The following SCNN1B variants were observed in gnomAD, a reference collection of about 807,000 sequenced individuals.
SCNN1B encodes the protein epithelial sodium channel subunit beta.
A neutral mutation model predicts 65.3 loss-of-function variants in SCNN1B; 46 were observed. The ratio of observed to expected loss-of-function variants is 0.70; its 90% confidence interval spans 0.56 to 0.90. The LOEUF is 0.90. SCNN1B is among the 40% of genes least tolerant of loss of function. SCNN1B has a pLI of 0.00. For synonymous variants in SCNN1B, 349 were observed against 330.6 expected, an observed-to-expected ratio of 1.06 and a Z score of -0.60; for missense variants, 751 against 830.5, an observed-to-expected ratio of 0.90 and a Z score of 1.18.
intron 4 of SCNN1B, among the ~76,000 whole-genome samples, chr16:23,362,329 CAAAA>C (rs113611025): frequency 8.2e-6 from 1 of 121,570 alleles, no homozygotes; most frequent in Non-Finnish European, 1.8e-5. Context: ...TGAGCAATCT[CAAAA>C]AAAAAAAAAA....
At chr16:23,304,045 G>A in intron 1 of SCNN1B, 1 of 1,535,058 alleles carries the variant, frequency 6.5e-7, no homozygotes. Flanking sequence ...ACTGCTGCAT[G>A]GATTCCCGCC....
At chr16:23,310,996 G>A (rs1238664217) in intron 1 of SCNN1B, among the ~76,000 whole-genome samples, 1 of 152,202 alleles carries the variant, frequency 6.6e-6, no homozygotes, top group East Asian at 1.9e-4. Flanking sequence ...GGGAGTCCAG[G>A]GAGTGAATGG....
At chr16:23,331,787 G>T (rs370378460) in intron 1 of SCNN1B, among the ~76,000 whole-genome samples, 18 of 152,112 alleles carry the variant, frequency 1.2e-4, no homozygotes, top group Admixed American at 2.0e-4. Flanking sequence ...TAGCACAGGA[G>T]GGGGAGCATC....
At chr16:23,351,901 T>A (rs1363596671) in intron 2 of SCNN1B, among the ~76,000 whole-genome samples, 3 of 152,090 alleles carry the variant, frequency 2.0e-5, no homozygotes, top group Non-Finnish European at 2.9e-5. Context: ...AGAACCCCCA[T>A]AAACATACCC....
intron 1 of SCNN1B, among the ~76,000 whole-genome samples, chr16:23,339,580 T>TTATTAC (rs1169036560): frequency 6.6e-6 from 1 of 151,572 alleles, no homozygotes; most frequent in African/African-American, 2.4e-5. Context: ...ATTATTATTA[T>TTATTAC]TTTGAGATGG....
chr16:23,279,781 C>T (rs1960758026), intron 1 of SCNN1B, among the ~76,000 whole-genome samples: 1 of 152,170 alleles, frequency 6.6e-6, no homozygotes, highest in Non-Finnish European at 1.5e-5. Context: ...CCCAGCCAGG[C>T]ATGACTGATC....
rs371645847 is a variant in SCNN1B at position 23,380,254 on chromosome 16, A to G, written c.1542+85A>G. Reference sequence around the variant, plus strand: ...GGGTGGGGGAAGGGTTCTGAGCCCTATGAAGGAATTAGGAAGATCCCTAAG... The same window carrying G: ...GGGTGGGGGAAGGGTTCTGAGCCCTGTGAAGGAATTAGGAAGATCCCTAAG... On this transcript the variant is annotated intron_variant, in intron 12 of 12. Transcript: ENST00000343070. The surrounding 1 kb of genome is among the most constrained non-coding windows in gnomAD (Gnocchi z 5.4). The G allele has an allele frequency of 1.5e-5, 22 of 1,500,272 alleles. No homozygotes were observed. The African/African-American group carries it at 2.5e-4, about 17-fold the overall frequency. The allele number at this position is 1,500,272 out of a possible 1,614,324, so 92.9% of individuals were successfully genotyped here.
chr16:23,334,680 G>T lies in SCNN1B; in HGVS notation c.-8-13912G>T, dbSNP rs143537227. On this transcript the variant is annotated intron_variant, in intron 1 of 12. Coordinates refer to ENST00000343070, the MANE Select transcript of SCNN1B (RefSeq NM_000336.3). ...CCTCTGCAACCTTCTCATTCTAAGT[G>T]GTCAAGCTGTTTCCCATTTGAGAAT... 1.3e-3 allele frequency among the ~76,000 whole-genome samples: 200 copies of T among 152,282 alleles called. 1 individual carries two copies. The highest frequency in any genetic ancestry group is 4.6e-3 in the African/African-American group (191 of 41,554).
intron 3 of SCNN1B, among the ~76,000 whole-genome samples, chr16:23,355,017 G>C (rs967895397): frequency 6.6e-6 from 1 of 152,160 alleles, no homozygotes; most frequent in African/African-American, 2.4e-5. Flanking sequence ...ACTTCCAAGA[G>C]GTTGCTGAGG....
chr16:23,329,361 C>G (rs574943417), intron 1 of SCNN1B, among the ~76,000 whole-genome samples: 3 of 152,246 alleles, frequency 2.0e-5, no homozygotes, highest in East Asian at 1.9e-4. Context: ...AGCGATCCTC[C>G]CACCTCGGCC....
At position 23,348,917 on chromosome 16, in the gene SCNN1B, G is replaced by A; in HGVS notation, c.311+7G>A. On this transcript the variant is annotated splice_region_variant and intron_variant, in intron 2 of 12. Coordinates refer to ENST00000343070, the MANE Select transcript of SCNN1B (RefSeq NM_000336.3). This position sits in a 1 kb window ranked among gnomAD's most constrained non-coding sequence, Gnocchi z 4.5. ...GCAATGCTAGCCCCTTCAAGTAGGT[G>A]GCCCCGGAGTGCACAGCTGGCCTCA... 6.2e-7 allele frequency: 1 copy of A among 1,613,692 alleles called. No homozygotes were observed. The highest frequency in any genetic ancestry group is 8.5e-7 in the Non-Finnish European group (1 of 1,179,664).
intron 2 of SCNN1B, among the ~76,000 whole-genome samples, chr16:23,350,198 T>C (rs62029383): frequency 0.015 from 2,255 of 152,310 alleles, 32 homozygotes; most frequent in Middle Eastern, 0.082. Flanking sequence ...CACCCTAGGA[T>C]TGGGAACTCC....
Position 23,375,850 on chromosome 16 carries a change from A to G in SCNN1B, c.1265A>G (p.Asp422Gly). 1 of 1,607,902 alleles carries G rather than the reference A, an allele frequency of 6.2e-7. No homozygotes were observed. The highest frequency in any genetic ancestry group is 1.1e-5 in the South Asian group (1 of 90,964). ...TACTGCAACAACCGGGACTTCCCAG[A>G]CTGGGGTGAGCGGGGGCACGGGGGA... ...EKYCNNRDFP[D>G]WAHCYSDLQM... The change falls in exon 8 of 13, where the codon GAC becomes GGC. Residue 422 changes from aspartate to glycine, a missense_variant. Coordinates refer to ENST00000343070, the MANE Select transcript of SCNN1B (RefSeq NM_000336.3).
At chr16:23,298,987 CA>C (rs1961035522), upstream of SCNN1B, among the ~76,000 whole-genome samples, 1 of 151,392 alleles carries the variant, frequency 6.6e-6, no homozygotes, top group Middle Eastern at 3.4e-3. Flanking sequence ...AGAAAACCTT[CA>C]AAAATAACGT....
At chr16:23,318,391 T>C (rs1808180) in intron 1 of SCNN1B, among the ~76,000 whole-genome samples, 76,334 of 151,922 alleles carry the variant, frequency 0.5, 23,049 homozygotes, top group African/African-American at 0.86. Flanking sequence ...GATGGATCAC[T>C]TGAGGTCAGG....
At chr16:23,304,217 C>T (rs1961145126) in intron 1 of SCNN1B, 8 of 775,984 alleles carry the variant, frequency 1.0e-5, no homozygotes, top group Non-Finnish European at 1.7e-5. Context: ...GAGGTCCTCT[C>T]TTTTCCACTG....
chr16:23,365,813 GAAACCC>G (rs919619543), intron 4 of SCNN1B, among the ~76,000 whole-genome samples: 1 of 152,214 alleles, frequency 6.6e-6, no homozygotes. Flanking sequence ...CACCGTTGAG[GAAACCC>G]AAGCTCAGAG....
chr16:23,357,557 T>A (rs1053186386), intron 4 of SCNN1B, among the ~76,000 whole-genome samples: 1 of 152,216 alleles, frequency 6.6e-6, no homozygotes, highest in African/African-American at 2.4e-5. Flanking sequence ...CACTTCAGCC[T>A]GGGCAGCAGA....
intron 1 of SCNN1B, among the ~76,000 whole-genome samples, chr16:23,308,392 G>A (rs568306865): frequency 1.3e-5 from 2 of 151,980 alleles, no homozygotes; most frequent in African/African-American, 4.8e-5. Context: ...GCATGGTGGT[G>A]CACACCTGTA....
Sources: allele counts gnomAD v4.1 joint callset (sites outside exome capture counted in the v4.1 genomes callset), GRCh38; gene constraint gnomAD v4.1.1; non-coding constraint Gnocchi (gnomAD v3.1); transcripts MANE v1.5; gene names NCBI Gene and HGNC (gene_info 2026-07-23, HGNC 2026-07-21).